Variants in RIMS1 observed in about 807,000 individuals in gnomAD.
RIMS1 encodes regulating synaptic membrane exocytosis 1, also known as regulating synaptic membrane exocytosis protein 1.
RIMS1 carries 83 observed loss-of-function variants against 214.1 expected under a neutral mutation model. The ratio of observed to expected loss-of-function variants is 0.39; its 90% CI spans 0.32 to 0.47. The LOEUF (loss-of-function observed/expected upper bound fraction) is 0.47, where lower values mean the gene tolerates loss of function less well. RIMS1 is among the 20% of genes least tolerant of loss of function. The pLI, the probability that RIMS1 is intolerant of heterozygous loss-of-function variation, is 0.99. For missense variants in RIMS1, 2,050 were observed against 2,161.8 expected, an observed-to-expected ratio of 0.95 and a Z score of 1.03; for synonymous variants, 793 against 786.8, an observed-to-expected ratio of 1.01 and a Z score of -0.13.
intron 2 of RIMS1, among the ~76,000 whole-genome samples, chr6:72,068,906 G>T (rs1216332487): frequency 1.7e-5 from 2 of 119,662 alleles, no homozygotes; most frequent in Non-Finnish European, 3.4e-5. Flanking sequence ...GCAAGACTCC[G>T]TCTCAAAAAA....
intron 6 of RIMS1, among the ~76,000 whole-genome samples, chr6:72,215,874 AAT>A (rs375331834): frequency 1.1e-3 from 164 of 152,294 alleles, no homozygotes; most frequent in South Asian, 8.5e-3. Flanking sequence ...GCTCAGTTTT[AAT>A]TTTTTTTCTC....
At chr6:71,994,726 G>C (rs755059927) in intron 2 of RIMS1, among the ~76,000 whole-genome samples, 46 of 152,152 alleles carry the variant, frequency 3.0e-4, no homozygotes, top group Non-Finnish European at 5.9e-4. Context: ...TGAAGTGGCA[G>C]TCCAGTTTTG....
At chr6:71,903,367 T>A (rs565160186) in intron 1 of RIMS1, among the ~76,000 whole-genome samples, 1 of 152,152 alleles carries the variant, frequency 6.6e-6, no homozygotes, top group African/African-American at 2.4e-5. Context: ...CACTTTTTAA[T>A]GGAGTTGTGT....
chr6:72,009,676 T>C (rs377275354), intron 2 of RIMS1, among the ~76,000 whole-genome samples: 5 of 152,016 alleles, frequency 3.3e-5, no homozygotes, highest in Admixed American at 6.6e-5. Context: ...TACAAACTAC[T>C]ATCAGAGAAT....
intron 2 of RIMS1, among the ~76,000 whole-genome samples, chr6:71,981,816 C>A (rs554763041): frequency 3.3e-5 from 5 of 151,970 alleles, no homozygotes; most frequent in African/African-American, 1.2e-4. Flanking sequence ...TTTTTCATTT[C>A]TTTTGCCTTG....
At chr6:72,251,439 A>C (rs1381964854) in intron 15 of RIMS1, 71 bp downstream of exon 15, 8 of 1,211,248 alleles carry the variant, frequency 6.6e-6, no homozygotes, top group Admixed American at 6.0e-5. Context: ...TTAATAATTC[A>C]AGATGTTTTT....
chr6:71,940,398 A>G (rs1381674735), intron 1 of RIMS1, among the ~76,000 whole-genome samples: 2 of 152,220 alleles, frequency 1.3e-5, no homozygotes, highest in African/African-American at 4.8e-5. Flanking sequence ...TTAGGATATT[A>G]CTATATCAAT....
chr6:72,233,662 C>T (rs942072578), intron 6 of RIMS1, 111 bp from the exon 7 acceptor site: 8 of 807,020 alleles, frequency 9.9e-6, no homozygotes, highest in Admixed American at 4.0e-5. Flanking sequence ...GCGATGTACA[C>T]GCTCAAGCTT....
At chr6:72,093,523 A>G (rs1039297002) in intron 2 of RIMS1, among the ~76,000 whole-genome samples, 2 of 151,612 alleles carry the variant, frequency 1.3e-5, no homozygotes, top group African/African-American at 4.8e-5. Flanking sequence ...TTTTATTTCA[A>G]ACATTCTGTG....
At chr6:72,171,779 A>G (rs912964037) in intron 4 of RIMS1, among the ~76,000 whole-genome samples, 1 of 152,172 alleles carries the variant, frequency 6.6e-6, no homozygotes, top group South Asian at 2.1e-4. Context: ...TTCAGTAAAC[A>G]TGTTGAGACG....
chr6:72,281,494 C>T (rs2090085279), intron 23 of RIMS1, among the ~76,000 whole-genome samples: 1 of 151,896 alleles, frequency 6.6e-6, no homozygotes. Flanking sequence ...ATAGAAGTTG[C>T]CAGGGATCAG....
intron 23 of RIMS1, among the ~76,000 whole-genome samples, chr6:72,280,304 T>A (rs2089428331): frequency 6.6e-6 from 1 of 152,028 alleles, no homozygotes; most frequent in South Asian, 2.1e-4. Context: ...TAGTATGATC[T>A]ATTTTGTGAT....
intron 2 of RIMS1, among the ~76,000 whole-genome samples, chr6:72,018,921 T>C (rs145055230): frequency 2.1e-3 from 316 of 152,290 alleles, no homozygotes; most frequent in Non-Finnish European, 3.6e-3. Context: ...TTAGAAAAGA[T>C]GCTGAGTTGG....
chr6:71,947,172 C>T (rs1183002954), intron 1 of RIMS1, among the ~76,000 whole-genome samples: 4 of 151,720 alleles, frequency 2.6e-5, no homozygotes, highest in Admixed American at 6.6e-5. Flanking sequence ...AAAAGGGAAC[C>T]CTTTTCTCTC....
At chr6:72,054,021 G>A (rs576487053) in intron 2 of RIMS1, among the ~76,000 whole-genome samples, 60 of 151,872 alleles carry the variant, frequency 4.0e-4, no homozygotes, top group Middle Eastern at 3.4e-3. Flanking sequence ...ACCTTTCATC[G>A]AGGTTTTAAG....
chr6:71,945,759 T>TA lies in RIMS1; in HGVS notation c.165-23224_165-23223insA, dbSNP rs1787621845. Among the ~76,000 whole-genome samples the TA allele has an allele frequency of 2.0e-5, 3 of 151,482 alleles. No homozygotes were observed. The South Asian group carries it at 6.3e-4, about 32-fold the overall frequency. On this transcript the variant is annotated intron_variant, in intron 1 of 33. Transcript: ENST00000521978. ...TTTGCAGATGATGTAATCTTTTTTT[T>TA]TTTTTTGGAGATGGAGTTTCACTCT... is the stretch of plus-strand genomic sequence containing the variant.
At chr6:72,342,750 G>A (rs1476698315) in intron 29 of RIMS1, among the ~76,000 whole-genome samples, 5 of 151,612 alleles carry the variant, frequency 3.3e-5, no homozygotes, top group East Asian at 1.9e-4. Flanking sequence ...AAGATGATAC[G>A]AATAATTTTA....
intron 28 of RIMS1, among the ~76,000 whole-genome samples, chr6:72,321,813 T>C (rs1189203137): frequency 6.6e-6 from 1 of 152,070 alleles, no homozygotes; most frequent in Admixed American, 6.6e-5. Context: ...CAAGAATCAG[T>C]TATCCCCTTC....
In RIMS1 at chr6:72,156,017, G is replaced by A. The variant is rs2044396462; in HGVS notation, c.472-23558G>A. 1.6e-5 allele frequency: 5 copies of A among 314,018 alleles called. 1 individual carries two copies. The Admixed American group carries it at 2.0e-4, about 13-fold the overall frequency. 19.5% of individuals were successfully genotyped at this position (314,018 alleles called of 1,614,324 possible). On this transcript the variant is annotated intron_variant, in intron 4 of 33. Transcript: ENST00000521978. ...AAAAAATAACACTTATACCCTGTTG[G>A]TAGGAATGTAAATTGACATAGCCAC...
Sources: gnomAD v4.1 joint callset for allele counts (sites outside exome capture counted in the v4.1 genomes callset) on GRCh38, gnomAD v4.1.1 for gene constraint, MANE v1.5 for transcripts, NCBI Gene and HGNC (gene_info 2026-07-23, HGNC 2026-07-21) for gene names.